Variants in MACROD2 observed in about 807,000 individuals in gnomAD.
MACROD2 encodes the protein ADP-ribose glycohydrolase MACROD2.
MACROD2 carries 36 observed loss-of-function variants against 70.4 expected under a neutral mutation model. The ratio of observed to expected loss-of-function variants is 0.51; its 90% CI spans 0.39 to 0.68. MACROD2 has a LOEUF of 0.68. Ranked by LOEUF, MACROD2 falls within the 30% of genes least tolerant of loss-of-function variation. The pLI is 0.00. For missense variants in MACROD2, 496 were observed against 538.4 expected (o/e 0.92, Z 0.78); for synonymous variants, 172 against 178.8 (o/e 0.96, Z 0.30).
chr20:14,589,753 TA>T (rs779373304), intron 4 of MACROD2, among the ~76,000 whole-genome samples: 6 of 152,190 alleles, frequency 3.9e-5, no homozygotes, highest in African/African-American at 7.2e-5. Flanking sequence ...AAAATCCAGG[TA>T]AAATCTATTT....
chr20:14,372,515 AAAC>A (rs2083334741), intron 3 of MACROD2, among the ~76,000 whole-genome samples: 1 of 152,156 alleles, frequency 6.6e-6, no homozygotes, highest in Non-Finnish European at 1.5e-5. Flanking sequence ...TATAACCAAA[AAAC>A]AGGTATATTT....
intron 13 of MACROD2, among the ~76,000 whole-genome samples, chr20:15,980,255 C>G (rs1410363539): frequency 6.6e-6 from 1 of 152,190 alleles, no homozygotes; most frequent in Non-Finnish European, 1.5e-5. Flanking sequence ...GCAGGGCTGC[C>G]TGTCTTTGAT....
intron 13 of MACROD2, among the ~76,000 whole-genome samples, chr20:15,985,310 T>G (rs1344691418): frequency 6.6e-5 from 10 of 152,150 alleles, no homozygotes; most frequent in Non-Finnish European, 1.0e-4. Context: ...TTACCATTTA[T>G]AGTAAGCCAA....
intron 3 of MACROD2, among the ~76,000 whole-genome samples, chr20:14,241,265 C>T (rs1379019955): frequency 6.6e-6 from 1 of 152,184 alleles, no homozygotes; most frequent in Non-Finnish European, 1.5e-5. Context: ...AAAATATCAT[C>T]TTGCTAAGTG....
rs148564498 is a variant in MACROD2, at chr20:15,033,989, T to A, written c.419-195951T>A. On this transcript the variant is annotated intron_variant, in intron 5 of 17. Coordinates refer to ENST00000684519, the MANE Select transcript of MACROD2 (RefSeq NM_001351661.2). ...CAACATCAGTGTATATTTGTGAAGA[T>A]TAAATAAGACTCATGTTTCCCCCGT... Among the ~76,000 whole-genome samples the A allele has an allele frequency of 9.9e-5, 15 of 152,228 alleles. No individual in the cohort carries two copies. The East Asian group carries it at 2.1e-3, about 22-fold the overall frequency.
chr20:15,822,218 GCTTGAATCCTGGGATCTATT>G (rs1424276460), intron 8 of MACROD2, among the ~76,000 whole-genome samples: 1 of 152,114 alleles, frequency 6.6e-6, no homozygotes, highest in East Asian at 1.9e-4. Context: ...AAATAATCCA[GCTTGAATCCTGGGATCTATT>G]CTTGTACCTT....
chr20:14,674,017 T>G (rs1416431022), intron 4 of MACROD2, among the ~76,000 whole-genome samples: 1 of 152,162 alleles, frequency 6.6e-6, no homozygotes, highest in East Asian at 1.9e-4. Flanking sequence ...TCAAAGTGCT[T>G]TATAAAATGT....
rs1568725886 is a variant in MACROD2 at position 16,035,117 on chromosome 20, TA to T, written c.1154-6082del. ...AATATTATATATTATATATAAAATA[TA>T]ATATAAAATATTATATATTATATAT... On this transcript the variant is annotated intron_variant, in intron 15 of 17. Transcript: ENST00000684519. Among the ~76,000 whole-genome samples, 86 of 25,540 alleles carry T rather than the reference TA, an allele frequency of 3.4e-3. 1 individual carries two copies. The highest frequency in any genetic ancestry group is 5.6e-3 in the African/African-American group (83 of 14,734). The allele number at this position is 25,540 out of a possible 152,430, so 16.8% of individuals were successfully genotyped here. A position where few individuals can be genotyped will look rare whatever the true frequency, so the allele number is the denominator to read the frequency against.
chr20:15,630,295 C>T (rs1013847434), intron 8 of MACROD2, among the ~76,000 whole-genome samples: 1 of 152,192 alleles, frequency 6.6e-6, no homozygotes, highest in Non-Finnish European at 1.5e-5. Context: ...CTTCTGTGCT[C>T]TCTGCATTTG....
intron 3 of MACROD2, among the ~76,000 whole-genome samples, chr20:14,108,685 A>T (rs1444036503): frequency 1.3e-5 from 2 of 152,132 alleles, no homozygotes; most frequent in Admixed American, 1.3e-4. Flanking sequence ...ATATAATGAT[A>T]AAGGGGCCAA....
At chr20:15,880,583 G>C (rs929364437) in intron 9 of MACROD2, among the ~76,000 whole-genome samples, 1 of 152,016 alleles carries the variant, frequency 6.6e-6, no homozygotes, top group African/African-American at 2.4e-5. Context: ...CCCAGTAGGA[G>C]TGAGGAGACT....
chr20:15,606,201 A>G (rs2048890746), intron 8 of MACROD2, among the ~76,000 whole-genome samples: 1 of 152,072 alleles, frequency 6.6e-6, no homozygotes, highest in Admixed American at 6.6e-5. Flanking sequence ...TTTTCTTGTC[A>G]ATTTTTCAGT....
rs757402809 is a variant in MACROD2, at chr20:13,995,767, T to A, written c.4T>A (p.Tyr2Asn). 6.5e-7 allele frequency: 1 copy of A among 1,548,872 alleles called. No individual in the cohort carries two copies. Among genetic ancestry groups the A allele is most frequent in the South Asian group, 1.1e-5 (1 of 89,908 alleles). Reference sequence around the variant, plus strand: ...AGCCAGCCACCCCCACGGCAACATGTACCCCAGCAACAAGAAGAAAAAGGT... The same window carrying A: ...AGCCAGCCACCCCCACGGCAACATGAACCCCAGCAACAAGAAGAAAAAGGT... M[Y>N]PSNKKKKVWR... The change falls in exon 1 of 18, where the codon TAC becomes AAC. Residue 2 changes from tyrosine (Y) to asparagine (N), a missense_variant. Tyr to Asn is a moderately radical substitution (Grantham distance 143). Coordinates refer to ENST00000684519, the MANE Select transcript of MACROD2 (RefSeq NM_001351661.2). The surrounding 1 kb of genome is among the most constrained non-coding windows in gnomAD (Gnocchi z 4.3).
intron 3 of MACROD2, among the ~76,000 whole-genome samples, chr20:14,425,522 A>G (rs1007661011): frequency 6.6e-6 from 1 of 152,190 alleles, no homozygotes; most frequent in African/African-American, 2.4e-5. Flanking sequence ...AATAGCATTT[A>G]TAGTTATTTG....
intron 5 of MACROD2, among the ~76,000 whole-genome samples, chr20:15,042,048 T>TG: frequency 6.6e-6 from 1 of 152,258 alleles, no homozygotes; most frequent in Admixed American, 6.5e-5. Flanking sequence ...CAAAGAAGTT[T>TG]GGAGCCCCAA....
intron 5 of MACROD2, among the ~76,000 whole-genome samples, chr20:14,841,345 T>C (rs1347609338): frequency 6.6e-6 from 1 of 152,196 alleles, no homozygotes; most frequent in Admixed American, 6.5e-5. Context: ...CTAATTACTT[T>C]GTAATTTGTT....
intron 3 of MACROD2, among the ~76,000 whole-genome samples, chr20:14,396,962 T>C (rs988258100): frequency 6.7e-5 from 10 of 149,862 alleles, no homozygotes; most frequent in African/African-American, 2.4e-4. Context: ...AGTTGTTAAT[T>C]TTTAATTGGT....
At chr20:15,942,431 GA>G (rs1404066281) in intron 12 of MACROD2, among the ~76,000 whole-genome samples, 7 of 152,186 alleles carry the variant, frequency 4.6e-5, no homozygotes, top group Non-Finnish European at 7.3e-5. Context: ...GCTGGCCTGG[GA>G]AAAGATTTGT....
At chr20:15,649,915 G>T (rs2049618445) in intron 8 of MACROD2, among the ~76,000 whole-genome samples, 1 of 152,106 alleles carries the variant, frequency 6.6e-6, no homozygotes, top group Non-Finnish European at 1.5e-5. Context: ...CATATCTTTT[G>T]TAATTCTTAA....
Sources: allele counts gnomAD v4.1 joint callset (sites outside exome capture counted in the v4.1 genomes callset), GRCh38; gene constraint gnomAD v4.1.1; non-coding constraint Gnocchi (gnomAD v3.1); transcripts MANE v1.5; gene names NCBI Gene and HGNC (gene_info 2026-07-23, HGNC 2026-07-21).